Variants in FBLN2 observed in about 807,000 individuals in gnomAD.
The protein encoded by FBLN2 is fibulin-2.
FBLN2 carries 81 observed loss-of-function variants against 123.7 expected under a neutral mutation model. The observed-to-expected ratio is 0.65, with a 90% CI of 0.55 to 0.79. FBLN2 has a LOEUF of 0.79. Ranked by LOEUF, FBLN2 falls within the 30% of genes least tolerant of loss-of-function variation. The probability of loss-of-function intolerance (pLI) is 0.00; values close to 1 mark genes in which losing one functional copy is unlikely to be tolerated. For missense variants in FBLN2, 1,603 were observed against 1,681.3 expected (o/e 0.95, Z 0.81); for synonymous variants, 699 against 701.4 (o/e 1.00, Z 0.05).
At position 13,620,736 on chromosome 3, in the gene FBLN2, C is replaced by G. The variant is rs1705820601; in HGVS notation, c.2155+905C>G. Among the ~76,000 whole-genome samples the G allele has an allele frequency of 3.9e-5, 6 of 152,182 alleles. No homozygotes were observed. In the South Asian group the frequency reaches 1.2e-3, roughly 32 times the overall value. On this transcript the variant is annotated intron_variant, in intron 8 of 17. Transcript: ENST00000404922. ...TGGCAGTTCTGGCTCAGAGATGAGA[C>G]CCTGGTGGGTGTCTGGGGGAGAACA...
intron 2 of FBLN2, among the ~76,000 whole-genome samples, chr3:13,578,642 C>CTA (rs1473115229): frequency 7.6e-6 from 1 of 130,900 alleles, no homozygotes; most frequent in African/African-American, 3.0e-5. Context: ...AGTAATGCAG[C>CTA]TATATATATT....
intron 7 of FBLN2, among the ~76,000 whole-genome samples, chr3:13,619,476 A>G (rs1705768273): frequency 6.6e-6 from 1 of 152,018 alleles, no homozygotes; most frequent in South Asian, 2.1e-4. Flanking sequence ...CACGCAAGGC[A>G]TGGGCTGGGA....
intron 2 of FBLN2, among the ~76,000 whole-genome samples, chr3:13,598,540 C>A (rs1253930974): frequency 1.3e-5 from 2 of 152,226 alleles, no homozygotes; most frequent in Non-Finnish European, 2.9e-5. Flanking sequence ...TAAGGCTGTG[C>A]CCCTGGGCTC....
Position 13,609,501 on chromosome 3 carries a change from C to A in FBLN2, c.1419-12C>A, listed in dbSNP as rs752157367. On this transcript the variant is annotated splice_polypyrimidine_tract_variant and intron_variant, in intron 3 of 17. Coordinates refer to ENST00000404922, the MANE Select transcript of FBLN2 (RefSeq NM_001004019.2). ...TGGGCGACTGGGGGCTAAGTTACCC[C>A]CTCTGTTTCAGGACAGCCCAGAGGC... 2.7e-5 allele frequency: 42 copies of A among 1,535,460 alleles called. No homozygotes were observed. The highest frequency in any genetic ancestry group is 1.1e-4 in the South Asian group (9 of 81,710).
At chr3:13,637,216 G>A (rs547278394) in intron 17 of FBLN2, among the ~76,000 whole-genome samples, 4 of 152,310 alleles carry the variant, frequency 2.6e-5, no homozygotes, top group African/African-American at 9.6e-5. Context: ...AAGGGAGAAG[G>A]AGGAGGAAGG....
intron 2 of FBLN2, among the ~76,000 whole-genome samples, chr3:13,601,705 A>G (rs1325292455): frequency 3.3e-5 from 5 of 152,264 alleles, no homozygotes; most frequent in African/African-American, 1.2e-4. Context: ...AAGAGACCCT[A>G]CCCTCTGGGA....
At chr3:13,564,038 C>A (rs950578397) in intron 1 of FBLN2, among the ~76,000 whole-genome samples, 1 of 152,198 alleles carries the variant, frequency 6.6e-6, no homozygotes, top group Non-Finnish European at 1.5e-5. Flanking sequence ...TGTTGCTGGG[C>A]CCCACAGCTT....
At chr3:13,602,374 G>A (rs1345154593) in intron 2 of FBLN2, among the ~76,000 whole-genome samples, 1 of 152,056 alleles carries the variant, frequency 6.6e-6, no homozygotes, top group Non-Finnish European at 1.5e-5. Context: ...TACCTTCTCT[G>A]TTCTTATTTT....
chr3:13,558,619 T>C (rs537755140), intron 1 of FBLN2, among the ~76,000 whole-genome samples: 1 of 152,050 alleles, frequency 6.6e-6, no homozygotes, highest in Non-Finnish European at 1.5e-5. Flanking sequence ...ACGGATTAAT[T>C]AATCTACCCC....
At chr3:13,632,379 G>T (rs1036337157) in intron 16 of FBLN2, among the ~76,000 whole-genome samples, 1 of 152,188 alleles carries the variant, frequency 6.6e-6, no homozygotes, top group Admixed American at 6.5e-5. Flanking sequence ...TGCAGCTTTC[G>T]GGGTGTGACC....
At chr3:13,636,591 CA>C (rs1706481372) in intron 17 of FBLN2, 23 bp downstream of exon 17, 1 of 1,610,418 alleles carries the variant, frequency 6.2e-7, no homozygotes, top group African/African-American at 1.3e-5. Flanking sequence ...ACCCCAGTCC[CA>C]GTCCCAGGGA....
In FBLN2 at chr3:13,638,015, G is replaced by GTA. The variant is rs1473436368; in HGVS notation, c.*97_*98dup. The GTA allele has an allele frequency of 8.5e-7, 1 of 1,174,152 alleles. No homozygotes were observed. 72.7% of individuals were successfully genotyped at this position (1,174,152 alleles called of 1,614,324 possible). On this transcript the variant is annotated 3_prime_UTR_variant, in exon 18 of 18. Coordinates refer to ENST00000404922, the MANE Select transcript of FBLN2 (RefSeq NM_001004019.2). ...CTATTGTGGTTTTTACTATAACTTT[G>GTA]TAAATTAACTTAATTTTGCTGACTT...
At position 13,549,172 on chromosome 3, in the gene FBLN2, C is replaced by T. The variant is rs1703255821; in HGVS notation, c.-78C>T. On this transcript the variant is annotated 5_prime_UTR_variant, in exon 1 of 18. Coordinates refer to ENST00000404922, the MANE Select transcript of FBLN2 (RefSeq NM_001004019.2). ...GGCTCTCGACGCGCCGACGGCCGGG[C>T]GGACGGACGGACGGACGCCGAGCGC... 1.4e-5 allele frequency: 14 copies of T among 982,438 alleles called. No homozygotes were observed. The highest frequency in any genetic ancestry group is 1.7e-5 in the Non-Finnish European group (14 of 828,484). The allele number at this position is 982,438 out of a possible 1,614,324, so 60.9% of individuals were successfully genotyped here. A position where few individuals can be genotyped will look rare whatever the true frequency, so the allele number is the denominator to read the frequency against.
intron 6 of FBLN2, among the ~76,000 whole-genome samples, 190 bp from the exon 7 acceptor site, chr3:13,618,714 C>T (rs1381189896): frequency 6.6e-6 from 1 of 152,128 alleles, no homozygotes; most frequent in Non-Finnish European, 1.5e-5. Context: ...CCCCTCTGCC[C>T]CCAGTAGCTG....
intron 2 of FBLN2, among the ~76,000 whole-genome samples, chr3:13,607,031 A>G (rs1574977763): frequency 6.6e-6 from 1 of 151,792 alleles, no homozygotes; most frequent in Non-Finnish European, 1.5e-5. Context: ...TCTGTCACCC[A>G]GGCTGGAGTG....
At chr3:13,625,866 T>G (rs1390787922) in intron 9 of FBLN2, among the ~76,000 whole-genome samples, 1 of 150,044 alleles carries the variant, frequency 6.7e-6, no homozygotes, top group East Asian at 2.0e-4. Context: ...TCTTTCTCCC[T>G]TCCCTCCCCT....
chr3:13,602,630 T>C (rs973082519), intron 2 of FBLN2, among the ~76,000 whole-genome samples: 1 of 152,220 alleles, frequency 6.6e-6, no homozygotes, highest in Non-Finnish European at 1.5e-5. Flanking sequence ...GCATGTTCAC[T>C]GTAGATTTAT....
intron 1 of FBLN2, among the ~76,000 whole-genome samples, chr3:13,553,536 T>G (rs546684814): frequency 6.6e-6 from 1 of 152,208 alleles, no homozygotes; most frequent in Non-Finnish European, 1.5e-5. Flanking sequence ...GCTGGGCACG[T>G]CCTTTCCCAG....
intron 1 of FBLN2, among the ~76,000 whole-genome samples, chr3:13,551,363 G>A (rs560099158): frequency 1.3e-5 from 2 of 152,156 alleles, no homozygotes; most frequent in South Asian, 2.1e-4. Context: ...TGGGGACCCC[G>A]TGAAGCAAGA....
Sources: gnomAD v4.1 joint callset for allele counts (sites outside exome capture counted in the v4.1 genomes callset) on GRCh38, gnomAD v4.1.1 for gene constraint, MANE v1.5 for transcripts, NCBI Gene and HGNC (gene_info 2026-07-23, HGNC 2026-07-21) for gene names.